The following KLRF1 variants were observed in gnomAD, a reference collection of about 807,000 sequenced individuals.
KLRF1 encodes killer cell lectin like receptor F1.
Under a neutral mutation model 30.7 loss-of-function variants are expected in KLRF1, and 27 were observed. The observed-to-expected ratio is 0.88, with a 90% CI of 0.65 to 1.21. KLRF1 has a LOEUF of 1.21. Ranked by LOEUF, KLRF1 falls within the 50% of genes most tolerant of loss-of-function variation. KLRF1 has a pLI of 0.00. For missense variants in KLRF1, 246 were observed against 259.3 expected, an observed-to-expected ratio of 0.95 and a Z score of 0.35; for synonymous variants, 92 against 89.3, an observed-to-expected ratio of 1.03 and a Z score of -0.17.
the KLRF1 span, among the ~76,000 whole-genome samples, chr12:9,811,176 G>GC: frequency 3.5e-5 from 5 of 142,024 alleles, no homozygotes; most frequent in African/African-American, 1.0e-4. Flanking sequence ...AGAGTAGAAA[G>GC]CAAAAAAAAA....
the KLRF1 span, among the ~76,000 whole-genome samples, chr12:9,814,795 G>A: frequency 7.2e-6 from 1 of 139,396 alleles, no homozygotes; most frequent in African/African-American, 2.6e-5. Flanking sequence ...ACCATAAAAG[G>A]TTATTGTAAT....
At chr12:9,843,447 T>C (rs1212181509) in intron 5 of KLRF1, among the ~76,000 whole-genome samples, 1 of 152,186 alleles carries the variant, frequency 6.6e-6, no homozygotes, top group African/African-American at 2.4e-5. Flanking sequence ...TATTGTATTA[T>C]TTTCCCCTTA....
chr12:9,840,223 T>C (rs1382722216), intron 3 of KLRF1, among the ~76,000 whole-genome samples: 1 of 152,026 alleles, frequency 6.6e-6, no homozygotes. Flanking sequence ...AGTGACTACT[T>C]AGTGTTTATA....
the KLRF1 span, among the ~76,000 whole-genome samples, chr12:9,813,660 G>A: frequency 6.6e-6 from 1 of 152,036 alleles, no homozygotes; most frequent in Admixed American, 6.6e-5. Context: ...TTGGAATACA[G>A]CATCTAAAAG....
the KLRF1 span, among the ~76,000 whole-genome samples, chr12:9,815,250 C>G: frequency 6.6e-6 from 1 of 152,208 alleles, no homozygotes; most frequent in Non-Finnish European, 1.5e-5. Flanking sequence ...TACCTATTTT[C>G]TAATATACTA....
chr12:9,815,737 A>G, the KLRF1 span, among the ~76,000 whole-genome samples: 1 of 152,224 alleles, frequency 6.6e-6, no homozygotes, highest in African/African-American at 2.4e-5. Flanking sequence ...GCTTCCAGGC[A>G]TAGTCCTTAC....
chr12:9,821,249 A>G, the KLRF1 span, among the ~76,000 whole-genome samples: 498 of 152,082 alleles, frequency 3.3e-3, 3 homozygotes, highest in African/African-American at 0.011. Flanking sequence ...CCCCACCCCC[A>G]TGGCTGAACA....
chr12:9,808,482 A>T, the KLRF1 span, among the ~76,000 whole-genome samples: 1 of 152,142 alleles, frequency 6.6e-6, no homozygotes, highest in Admixed American at 6.5e-5. Context: ...ATATCCTAAT[A>T]TGTTAGAAAA....
chr12:9,804,992 T>G, the KLRF1 span, among the ~76,000 whole-genome samples: 2 of 152,010 alleles, frequency 1.3e-5, no homozygotes, highest in African/African-American at 4.8e-5. Flanking sequence ...GTAATACTTT[T>G]TGTGTATTGT....
the KLRF1 span, among the ~76,000 whole-genome samples, chr12:9,804,240 G>A: frequency 5.3e-5 from 8 of 151,596 alleles, no homozygotes; most frequent in South Asian, 1.2e-3. Context: ...TGTCTTCTTG[G>A]GAGAAATGTC....
chr12:9,844,520 G>C lies in KLRF1; in HGVS notation c.690G>C (p.Gln230His). The C allele has an allele frequency of 1.9e-6, 3 of 1,573,772 alleles. No homozygotes were observed. Among genetic ancestry groups the C allele is most frequent in the Non-Finnish European group, 2.6e-6 (3 of 1,147,092 alleles). Reference protein sequence around the residue: ...TCSSVFKWICQY With the variant: ...TCSSVFKWICHY ...GCAGTGTTTTCAAATGGATTTGTCAGTATTAGAGTTTGACAAAATTCACAG... is the reference window on the plus strand; with the variant it reads ...GCAGTGTTTTCAAATGGATTTGTCACTATTAGAGTTTGACAAAATTCACAG... The change falls in exon 6 of 6, where the codon CAG becomes CAC. Residue 230 changes from glutamine to histidine, a missense_variant. Coordinates refer to ENST00000617889, the MANE Select transcript of KLRF1 (RefSeq NM_016523.3).
chr12:9,824,340 C>A (rs1565501805), upstream of KLRF1, among the ~76,000 whole-genome samples: 1 of 152,140 alleles, frequency 6.6e-6, no homozygotes, highest in Non-Finnish European at 1.5e-5. Context: ...AAATATGACT[C>A]ATTTCATAAA....
At chr12:9,816,994 T>A in the KLRF1 span, among the ~76,000 whole-genome samples, 1 of 151,936 alleles carries the variant, frequency 6.6e-6, no homozygotes, top group South Asian at 2.1e-4. Context: ...CAGCCTCCCA[T>A]CCAGCATTCT....
chr12:9,833,324 A>C lies in KLRF1; in HGVS notation c.206A>C (p.Lys69Thr). 1 of 1,604,140 alleles carries C rather than the reference A, an allele frequency of 6.2e-7. No individual in the cohort carries two copies. The highest frequency in any genetic ancestry group is 2.3e-5 in the East Asian group (1 of 44,260). The change falls in exon 3 of 6, where the codon AAA (lysine) becomes ACA (threonine). Residue 69 changes from lysine (K) to threonine (T), a missense_variant. Physicochemically the swap from Lys to Thr is moderately conservative, Grantham distance 78. Transcript: ENST00000617889. Reference sequence around the variant, plus strand: ...CAAGTTTCTCAGGGAGTATTGCTAAAATGCCAAAAAGGAAGTTGTTCAAAT... The same window carrying C: ...CAAGTTTCTCAGGGAGTATTGCTAACATGCCAAAAAGGAAGTTGTTCAAAT... ...ILLVSQGVLL[K>T]CQKGSCSNAT...
chr12:9,821,610 C>T, the KLRF1 span, among the ~76,000 whole-genome samples: 2 of 152,176 alleles, frequency 1.3e-5, no homozygotes, highest in Admixed American at 6.5e-5. Context: ...AAAAGACCTT[C>T]AGCCACAACC....
chr12:9,814,110 G>A, the KLRF1 span, among the ~76,000 whole-genome samples: 33 of 152,128 alleles, frequency 2.2e-4, no homozygotes, highest in African/African-American at 2.4e-5. Context: ...GGTGCCAGCC[G>A]TGTGGCTGGG....
At chr12:9,805,731 T>A in the KLRF1 span, among the ~76,000 whole-genome samples, 1 of 152,118 alleles carries the variant, frequency 6.6e-6, no homozygotes, top group African/African-American at 2.4e-5. Flanking sequence ...TCTATTTCTT[T>A]GAGACTTTTC....
intron 1 of KLRF1, among the ~76,000 whole-genome samples, chr12:9,829,924 A>G (rs1867372789): frequency 6.6e-6 from 1 of 152,216 alleles, no homozygotes; most frequent in East Asian, 1.9e-4. Context: ...TTTATAAAAA[A>G]TTATTCAGGC....
chr12:9,838,347 C>CT (rs774076091), intron 3 of KLRF1, among the ~76,000 whole-genome samples: 10 of 152,090 alleles, frequency 6.6e-5, no homozygotes, highest in Non-Finnish European at 1.5e-4. Context: ...AGTGATTTTT[C>CT]TGGGGGGGTG....
Sources: allele counts gnomAD v4.1 joint callset (sites outside exome capture counted in the v4.1 genomes callset), GRCh38; gene constraint gnomAD v4.1.1; transcripts MANE v1.5; gene names NCBI Gene and HGNC (gene_info 2026-07-23, HGNC 2026-07-21).